C18orf63: variants seen among roughly 807,000 people sequenced by gnomAD.
C18orf63 encodes the protein chromosome 18 open reading frame 63.
Under a neutral mutation model 75.3 loss-of-function variants are expected in C18orf63, and 50 were observed. The observed-to-expected ratio is 0.66, with a 90% confidence interval of 0.53 to 0.84. The LOEUF (loss-of-function observed/expected upper bound fraction) is 0.84. Among genes scored for constraint, C18orf63 ranks in the 40% least tolerant of loss-of-function variants. The probability of loss-of-function intolerance (pLI) is 0.00; values close to 1 mark genes in which losing one functional copy is unlikely to be tolerated. For missense variants in C18orf63, 732 were observed against 800.2 expected, an observed-to-expected ratio of 0.91 and a Z score of 1.03; for synonymous variants, 232 against 267.6, an observed-to-expected ratio of 0.87 and a Z score of 1.30.
intron 13 of C18orf63, 39 bp downstream of exon 13, chr18:74,354,585 T>A: frequency 9.6e-7 from 1 of 1,047,110 alleles, no homozygotes. Context: ...TTTTACATTA[T>A]CTGAATTGGG....
At chr18:74,356,173 G>A (rs1415777384) in intron 13 of C18orf63, among the ~76,000 whole-genome samples, 1 of 152,094 alleles carries the variant, frequency 6.6e-6, no homozygotes, top group African/African-American at 2.4e-5. Flanking sequence ...TTTGTTACCT[G>A]CATGTATTGT....
intron 4 of C18orf63, among the ~76,000 whole-genome samples, chr18:74,323,534 A>G (rs1984159897): frequency 6.6e-6 from 1 of 152,194 alleles, no homozygotes; most frequent in Non-Finnish European, 1.5e-5. Flanking sequence ...TGCTGAGACA[A>G]GTCTTTGGTC....
In C18orf63 at chr18:74,338,839, T is replaced by G; in HGVS notation, c.611+15T>G. ...GTTTTGCCAAGGTGAGATTTCAATT[T>G]GTAATATCTAGGGTGGGTTCAAAAT... On this transcript the variant is annotated intron_variant, in intron 8 of 13. Transcript: ENST00000579455. The G allele has an allele frequency of 1.6e-6, 2 of 1,218,940 alleles. No individual in the cohort carries two copies. Among genetic ancestry groups the G allele is most frequent in the South Asian group, 1.8e-5 (1 of 56,134 alleles). The allele number at this position is 1,218,940 out of a possible 1,614,324, so 75.5% of individuals were successfully genotyped here.
intron 11 of C18orf63, among the ~76,000 whole-genome samples, chr18:74,344,031 G>A (rs367901602): frequency 1.3e-5 from 2 of 152,074 alleles, no homozygotes; most frequent in African/African-American, 4.8e-5. Flanking sequence ...GACAGTATAA[G>A]TTCAGTTAAA....
At chr18:74,325,194 G>A (rs1033724200) in intron 4 of C18orf63, among the ~76,000 whole-genome samples, 6 of 152,042 alleles carry the variant, frequency 3.9e-5, no homozygotes, top group African/African-American at 1.2e-4. Context: ...TCCTAAACAC[G>A]TTCGTGCTAT....
intron 8 of C18orf63, among the ~76,000 whole-genome samples, chr18:74,339,790 T>G (rs891942125): frequency 1.2e-4 from 18 of 152,146 alleles, no homozygotes; most frequent in African/African-American, 3.9e-4. Context: ...ACAGATTCAG[T>G]AAAGTTGCAG....
chr18:74,333,709 T>C (rs182017539), intron 7 of C18orf63, among the ~76,000 whole-genome samples: 42 of 152,228 alleles, frequency 2.8e-4, no homozygotes, highest in African/African-American at 9.6e-4. Flanking sequence ...CAAGATGAGA[T>C]TTGGGTGGCA....
chr18:74,318,523 G>C (rs1164067677), intron 2 of C18orf63, among the ~76,000 whole-genome samples: 1 of 152,144 alleles, frequency 6.6e-6, no homozygotes, highest in Non-Finnish European at 1.5e-5. Flanking sequence ...GGGCGTGGTG[G>C]CTCACACCTG....
rs138777644 is a variant in C18orf63 at position 74,316,427 on chromosome 18, C to T, written c.-33+318C>T. ...CGCTCGCCTGGGGGCAGCGGCAAGC[C>T]GGGTCTGGGGCCGCCCTGAACCCCG... On this transcript the variant is annotated intron_variant, in intron 1 of 13. Coordinates refer to ENST00000579455, the MANE Select transcript of C18orf63 (RefSeq NM_001174123.2). 4.1e-4 allele frequency among the ~76,000 whole-genome samples: 63 copies of T among 152,290 alleles called. No individual in the cohort carries two copies. In the East Asian group the frequency reaches 0.011, roughly 27 times the overall value.
chr18:74,347,761 T>TA (rs1014836869), intron 11 of C18orf63, among the ~76,000 whole-genome samples: 24 of 152,274 alleles, frequency 1.6e-4, no homozygotes, highest in African/African-American at 5.8e-4. Context: ...TCAGCCAGCT[T>TA]AAAAAAATTA....
chr18:74,318,421 A>C (rs906705146), intron 2 of C18orf63, among the ~76,000 whole-genome samples: 3 of 152,136 alleles, frequency 2.0e-5, no homozygotes, highest in African/African-American at 7.2e-5. Flanking sequence ...CTTAATTCTC[A>C]AGTCAGTATG....
In C18orf63 at chr18:74,342,075, G is replaced by A. The variant is rs533857307; in HGVS notation, c.655G>A (p.Ala219Thr). 1.6e-5 allele frequency: 24 copies of A among 1,528,398 alleles called. No homozygotes were observed. The highest frequency in any genetic ancestry group is 9.6e-5 in the South Asian group (8 of 83,426). 94.7% of individuals were successfully genotyped at this position (1,528,398 alleles called of 1,614,324 possible). ...TATAAATATTTTTCATGCCATCCCCGCTGCCTGTCCTTTTCACTCATATGG... is the reference window on the plus strand; with the variant it reads ...TATAAATATTTTTCATGCCATCCCCACTGCCTGTCCTTTTCACTCATATGG... ...QIINIFHAIP[A>T]ACPFHSYGDF... The change falls in exon 9 of 14, where the codon GCT becomes ACT. Residue 219 changes from alanine to threonine, a missense_variant. Ala to Thr is a moderately conservative substitution (Grantham distance 58). Transcript: ENST00000579455.
In C18orf63 at chr18:74,330,964, A is replaced by C. The variant is rs530330031; in HGVS notation, c.501+22A>C. The C allele has an allele frequency of 1.2e-5, 12 of 1,029,454 alleles. No individual in the cohort carries two copies. The East Asian group carries it at 1.7e-4, about 15-fold the overall frequency. The allele number at this position is 1,029,454 out of a possible 1,614,324, so 63.8% of individuals were successfully genotyped here. On this transcript the variant is annotated intron_variant, in intron 7 of 13. Coordinates refer to ENST00000579455, the MANE Select transcript of C18orf63 (RefSeq NM_001174123.2). Reference sequence around the variant, plus strand: ...TGAGGTACCATATATTGTGATTTCTATACTTTATTATATTTACTATATACT... The same window carrying C: ...TGAGGTACCATATATTGTGATTTCTCTACTTTATTATATTTACTATATACT...
chr18:74,352,339 G>C (rs1370507138), intron 11 of C18orf63, among the ~76,000 whole-genome samples: 1 of 152,172 alleles, frequency 6.6e-6, no homozygotes, highest in Non-Finnish European at 1.5e-5. Context: ...ATATAATACA[G>C]TACAGTGGTA....
intron 4 of C18orf63, among the ~76,000 whole-genome samples, chr18:74,326,810 CTTAATT>C (rs1230533934): frequency 1.3e-5 from 2 of 152,116 alleles, no homozygotes; most frequent in Non-Finnish European, 2.9e-5. Context: ...ACTTATTGGT[CTTAATT>C]TTAAGTGAAA....
Position 74,342,219 on chromosome 18 carries a change from AAATTTTGTGCTT to A in C18orf63, c.709-15_709-4del. 6.7e-7 allele frequency: 1 copy of A among 1,491,668 alleles called. No homozygotes were observed. The highest frequency in any genetic ancestry group is 2.5e-5 in the East Asian group (1 of 40,598). 92.4% of individuals were successfully genotyped at this position (1,491,668 alleles called of 1,614,324 possible). On this transcript the variant is annotated splice_polypyrimidine_tract_variant and intron_variant, in intron 9 of 13. Coordinates refer to ENST00000579455, the MANE Select transcript of C18orf63 (RefSeq NM_001174123.2). ...AGTTTAGCTTTCTCCAAGATATTTA[AAATTTTGTGCTT>A]AATTTTTAGTATGGCTATAAACTTC...
intron 7 of C18orf63, among the ~76,000 whole-genome samples, chr18:74,331,796 A>G (rs1289937683): frequency 6.6e-6 from 1 of 152,186 alleles, no homozygotes; most frequent in Non-Finnish European, 1.5e-5. Flanking sequence ...TGTCCTGCTC[A>G]TCATTTAAGG....
intron 7 of C18orf63, 78 bp from the exon 8 acceptor site, chr18:74,338,636 TA>T: frequency 1.8e-6 from 1 of 547,652 alleles, no homozygotes; most frequent in Non-Finnish European, 3.0e-6. Flanking sequence ...TGTGTGTGTG[TA>T]ACAAATATGT....
chr18:74,331,456 G>T (rs928749660), intron 7 of C18orf63, among the ~76,000 whole-genome samples: 4 of 152,168 alleles, frequency 2.6e-5, no homozygotes, highest in Non-Finnish European at 5.9e-5. Context: ...GTCACTCAAT[G>T]TTATTGTCTT....
Sources: allele counts gnomAD v4.1 joint callset (sites outside exome capture counted in the v4.1 genomes callset), GRCh38; gene constraint gnomAD v4.1.1; transcripts MANE v1.5; gene names NCBI Gene and HGNC (gene_info 2026-07-23, HGNC 2026-07-21).